DNAH8: variants seen among roughly 807,000 people sequenced by gnomAD.
DNAH8 encodes the protein axonemal beta dynein heavy chain 8.
Under a neutral mutation model 562.1 loss-of-function variants are expected in DNAH8, and 382 were observed. The ratio of observed to expected loss-of-function variants is 0.68; its 90% CI spans 0.63 to 0.74. The LOEUF (loss-of-function observed/expected upper bound fraction) is 0.74, where lower values mean the gene tolerates loss of function less well. Among genes scored for constraint, DNAH8 ranks in the 30% least tolerant of loss-of-function variants. The pLI is 0.00. For synonymous variants in DNAH8, 1,881 were observed against 1,919.4 expected (o/e 0.98, Z 0.52); for missense variants, 5,203 against 5,620.4 (o/e 0.93, Z 2.37).
intron 82 of DNAH8, among the ~76,000 whole-genome samples, chr6:38,969,578 G>A (rs189912797): frequency 6.6e-4 from 100 of 152,094 alleles, no homozygotes; most frequent in Non-Finnish European, 1.2e-3. Context: ...AACCTGAGAT[G>A]TGAAGGGAGT....
chr6:38,781,079 C>T (rs938865925), intron 15 of DNAH8, among the ~76,000 whole-genome samples, 175 bp from the exon 16 acceptor site: 1 of 152,110 alleles, frequency 6.6e-6, no homozygotes, highest in Non-Finnish European at 1.5e-5. Flanking sequence ...CGTATATGGT[C>T]AACATCATTG....
Position 38,815,658 on chromosome 6 carries a change from G to A in DNAH8, c.3523+1G>A. ...GGAAAACTGCTGAAGAAGGAAGAAA[G>A]TAAGAATGTAAAATTAGTCAATGAT... On this transcript the variant is annotated splice_donor_variant, in intron 26 of 92. Coordinates refer to ENST00000327475, the MANE Select transcript of DNAH8 (RefSeq NM_001206927.2). LOFTEE classifies it high-confidence loss of function. 1 of 1,608,062 alleles carries A rather than the reference G, an allele frequency of 6.2e-7. No homozygotes were observed. Among genetic ancestry groups the A allele is most frequent in the Non-Finnish European group, 8.5e-7 (1 of 1,176,032 alleles).
intron 11 of DNAH8, among the ~76,000 whole-genome samples, chr6:38,764,899 G>C (rs926969030): frequency 6.6e-6 from 1 of 152,024 alleles, no homozygotes; most frequent in African/African-American, 2.4e-5. Flanking sequence ...CAGTGGCACA[G>C]TCTTGGCTCA....
intron 43 of DNAH8, among the ~76,000 whole-genome samples, chr6:38,861,047 G>A (rs1416440754): frequency 2.0e-5 from 3 of 151,806 alleles, no homozygotes; most frequent in African/African-American, 4.9e-5. Context: ...GGCAGATCCC[G>A]TCACAATTCT....
At chr6:38,753,544 T>G (rs1051179663) in intron 9 of DNAH8, among the ~76,000 whole-genome samples, 1 of 152,184 alleles carries the variant, frequency 6.6e-6, no homozygotes, top group Non-Finnish European at 1.5e-5. Context: ...AATCTAATGA[T>G]GGGAGTAGGT....
rs185196990 is a variant in DNAH8 at position 38,718,942 on chromosome 6, C to G, written c.-35+3527C>G. ...TTACTTCTCTGTTTAAATTTCTTCC[C>G]TCTGCTTCTTGTTGACTCCTACTTA... On this transcript the variant is annotated intron_variant, in intron 1 of 92. Transcript: ENST00000327475. 9.5e-4 allele frequency among the ~76,000 whole-genome samples: 144 copies of G among 152,058 alleles called. No individual in the cohort carries two copies. The Middle Eastern group carries it at 0.014, about 14-fold the overall frequency.
At chr6:38,899,296 A>T (rs1779906723) in intron 61 of DNAH8, among the ~76,000 whole-genome samples, 1 of 152,218 alleles carries the variant, frequency 6.6e-6, no homozygotes, top group African/African-American at 2.4e-5. Context: ...TGTAAATAGA[A>T]TTATGGTACT....
At chr6:38,991,911 C>G (rs7763876) in intron 88 of DNAH8, among the ~76,000 whole-genome samples, 61,726 of 151,972 alleles carry the variant, frequency 0.41, 12,923 homozygotes, top group East Asian at 0.6. Context: ...CTGCCCAAGA[C>G]CTTGTCCTCC....
At position 38,722,935 on chromosome 6, in the gene DNAH8, GGCAGAAGATGGTTTCTCTCCTTCC is replaced by G. The variant is rs774952820; in HGVS notation, c.137_160del (p.Gly46_Asp53del). ...CGCGCCCTCCGACAGTGGAGGCCCC[GGCAGAAGATGGTTTCTCTCCTTCC>G]GCAGAAGATGCTGTTTCTTCTGTGG... On this transcript the variant is annotated inframe_deletion, in exon 2 of 93. Coordinates refer to ENST00000327475, the MANE Select transcript of DNAH8 (RefSeq NM_001206927.2). The G allele has an allele frequency of 1.1e-5, 17 of 1,612,534 alleles. No individual in the cohort carries two copies. Among genetic ancestry groups the G allele is most frequent in the Non-Finnish European group, 1.4e-5 (17 of 1,179,812 alleles).
In DNAH8 at chr6:38,896,164, C is replaced by G; in HGVS notation, c.8879C>G (p.Pro2960Arg). 1 of 1,613,716 alleles carries G rather than the reference C, an allele frequency of 6.2e-7. No homozygotes were observed. Among genetic ancestry groups the G allele is most frequent in the Non-Finnish European group, 8.5e-7 (1 of 1,179,880 alleles). Reference sequence around the variant, plus strand: ...TTTGTGGATTTTCTTCGTGAGATGCCAGAACCAACTGGTGATGAACCTGAA... The same window carrying G: ...TTTGTGGATTTTCTTCGTGAGATGCGAGAACCAACTGGTGATGAACCTGAA... ...PYFVDFLREM[P>R]EPTGDEPEDS... Residue 2960 changes from proline (P) to arginine (R), a missense_variant, in exon 60 of 93, where the codon CCA becomes CGA. Physicochemically the swap from Pro to Arg is moderately radical, Grantham distance 103. This residue lies in a region of DNAH8 where 977 missense variants were observed against 1,061.8 expected (regional missense o/e 0.92). Transcript: ENST00000327475.
intron 21 of DNAH8, among the ~76,000 whole-genome samples, chr6:38,798,107 G>A (rs1177509017): frequency 6.6e-6 from 1 of 151,986 alleles, no homozygotes; most frequent in Non-Finnish European, 1.5e-5. Context: ...GCTCTATAGA[G>A]ACAAAAGCAC....
At chr6:38,961,901 C>G (rs978604466) in intron 82 of DNAH8, among the ~76,000 whole-genome samples, 12 of 151,766 alleles carry the variant, frequency 7.9e-5, no homozygotes, top group African/African-American at 2.9e-4. Flanking sequence ...CAACATTATT[C>G]TTAGACAATA....
chr6:38,926,886 G>A (rs1251927353), intron 74 of DNAH8, among the ~76,000 whole-genome samples: 1 of 152,074 alleles, frequency 6.6e-6, no homozygotes, highest in Non-Finnish European at 1.5e-5. Flanking sequence ...CCTCCATCAA[G>A]ACTTTTCTGT....
In DNAH8 at chr6:38,832,350, T is replaced by C. The variant is rs1372450923; in HGVS notation, c.4217T>C (p.Val1406Ala). Residue 1406 changes from valine (V) to alanine (A), a missense_variant, in exon 31 of 93, where the codon GTG becomes GCG. Val to Ala is a moderately conservative substitution (Grantham distance 64). Around this residue, in one of 6 missense-constraint regions of DNAH8, gnomAD observed 2,176 missense variants for 2,365.1 expected, o/e 0.92. Transcript: ENST00000327475. Reference sequence around the variant, plus strand: ...TCAGTACAAGAGGACCTAGTTCAAGTGCAGCCAAAGTTTAAAAGCAATCTA... The same window carrying C: ...TCAGTACAAGAGGACCTAGTTCAAGCGCAGCCAAAGTTTAAAAGCAATCTA... ...AVSVQEDLVQ[V>A]QPKFKSNLLE... 10 of 1,613,682 alleles carry C rather than the reference T, an allele frequency of 6.2e-6. No homozygotes were observed. Among genetic ancestry groups the C allele is most frequent in the South Asian group, 2.2e-5 (2 of 91,054 alleles).
At position 38,814,133 on chromosome 6, in the gene DNAH8, A is replaced by G; in HGVS notation, c.3333+4A>G. 7.0e-7 allele frequency: 1 copy of G among 1,437,812 alleles called. No homozygotes were observed. Among genetic ancestry groups the G allele is most frequent in the Non-Finnish European group, 9.8e-7 (1 of 1,022,708 alleles). 89.1% of individuals were successfully genotyped at this position (1,437,812 alleles called of 1,614,324 possible). A position where few individuals can be genotyped will look rare whatever the true frequency, so the allele number is the denominator to read the frequency against. On this transcript the variant is annotated splice_donor_region_variant and intron_variant, in intron 25 of 92. Coordinates refer to ENST00000327475, the MANE Select transcript of DNAH8 (RefSeq NM_001206927.2). The stretch of plus-strand genomic sequence containing the variant: ...ACATCTTGCAATTCCTAATGTGGTA[A>G]GTATTATTAAATACACTGATAATTT...
Position 38,848,886 on chromosome 6 carries a change from T to C in DNAH8, c.5199+85T>C, listed in dbSNP as rs932540173. 5 of 1,348,804 alleles carry C rather than the reference T, an allele frequency of 3.7e-6. No individual in the cohort carries two copies. In the East Asian group the frequency reaches 9.3e-5, roughly 25 times the overall value. 83.6% of individuals were successfully genotyped at this position (1,348,804 alleles called of 1,614,324 possible). Reference sequence around the variant, plus strand: ...CTGTAAAAGTCTTCACAAAGACATATGGTCAAGGCTTGACTATGATGGGGT... The same window carrying C: ...CTGTAAAAGTCTTCACAAAGACATACGGTCAAGGCTTGACTATGATGGGGT... On this transcript the variant is annotated intron_variant, in intron 37 of 92. Transcript: ENST00000327475.
chr6:38,883,363 C>T lies in DNAH8; in HGVS notation c.8043C>T (p.Val2681=), dbSNP rs572161820. ...LTGEQGTAKT[V]MVKAYLKKYD... is the part of the protein sequence containing the mutation. ...GAGAGCAGGGAACTGCAAAAACTGTCATGGTTAAGGCCTATTTGAAAAAAT... is the reference window on the plus strand; with the variant it reads ...GAGAGCAGGGAACTGCAAAAACTGTTATGGTTAAGGCCTATTTGAAAAAAT... Residue 2681 remains valine (V), a synonymous_variant, in exon 55 of 93, where the codon GTC becomes GTT. Coordinates refer to ENST00000327475, the MANE Select transcript of DNAH8 (RefSeq NM_001206927.2). The T allele has an allele frequency of 1.7e-5, 27 of 1,612,850 alleles. No individual in the cohort carries two copies. In the East Asian group the frequency reaches 2.2e-4, roughly 13 times the overall value.
At chr6:38,881,714 G>A (rs983121926) in intron 53 of DNAH8, among the ~76,000 whole-genome samples, 6 of 151,938 alleles carry the variant, frequency 3.9e-5, no homozygotes, top group African/African-American at 1.5e-4. Flanking sequence ...ACCAGGCCTG[G>A]CTAATTTTGT....
chr6:38,797,294 A>G (rs939588210), intron 21 of DNAH8, among the ~76,000 whole-genome samples: 4 of 152,154 alleles, frequency 2.6e-5, no homozygotes, highest in African/African-American at 9.7e-5. Flanking sequence ...GTGAAAGGAG[A>G]GGCCAGCTAG....
Sources: allele counts gnomAD v4.1 joint callset (sites outside exome capture counted in the v4.1 genomes callset), GRCh38; gene constraint gnomAD v4.1.1; regional missense constraint gnomAD v4.1.1; transcripts MANE v1.5; gene names NCBI Gene and HGNC (gene_info 2026-07-23, HGNC 2026-07-21).